The following ABCA1 variants were observed in gnomAD, a reference collection of about 807,000 sequenced individuals.
The protein encoded by ABCA1 is ATP binding cassette subfamily A member 1.
Under a neutral mutation model 262.5 loss-of-function variants are expected in ABCA1, and 133 were observed. That is an observed-to-expected ratio of 0.51 (90% CI 0.44 to 0.59). The LOEUF is 0.59. Ranked by LOEUF, ABCA1 falls within the 20% of genes least tolerant of loss-of-function variation. ABCA1 has a pLI of 0.00. For missense variants in ABCA1, 2,452 were observed against 2,777.5 expected, an observed-to-expected ratio of 0.88 and a Z score of 2.63; for synonymous variants, 1,022 against 1,043.5, an observed-to-expected ratio of 0.98 and a Z score of 0.40.
intron 29 of ABCA1, among the ~76,000 whole-genome samples, chr9:104,810,124 G>A (rs968451803): frequency 1.2e-4 from 18 of 144,806 alleles, no homozygotes; most frequent in African/African-American, 4.6e-4. Context: ...TAGAGAAAAA[G>A]AGGCCAATTC....
Position 104,784,354 on chromosome 9 carries a change from A to G in ABCA1, c.6747T>C (p.Ser2249=), listed in dbSNP as rs375203349. The G allele has an allele frequency of 5.9e-5, 96 of 1,613,980 alleles. No homozygotes were observed. The highest frequency in any genetic ancestry group is 7.9e-5 in the Non-Finnish European group (93 of 1,180,002). The change falls in exon 50 of 50, where the codon TCT becomes TCC. Residue 2249 remains serine, a synonymous_variant. Transcript: ENST00000374736. Reference sequence around the variant, plus strand: ...CTTTCACTTTCTCATCCTGTAGAAAAGATGTGAGAACTGCAACGTCCACTA... The same window carrying G: ...CTTTCACTTTCTCATCCTGTAGAAAGGATGTGAGAACTGCAACGTCCACTA... ...QTVVDVAVLT[S]FLQDEKVKES...
chr9:104,795,691 T>C (rs1341509354), intron 39 of ABCA1, among the ~76,000 whole-genome samples: 1 of 152,182 alleles, frequency 6.6e-6, no homozygotes, highest in African/African-American at 2.4e-5. Context: ...GCATTGATCT[T>C]AGAGATGACA....
chr9:104,818,896 A>G lies in ABCA1; in HGVS notation c.3242-13T>C. The G allele has an allele frequency of 6.2e-7, 1 of 1,606,990 alleles. No homozygotes were observed. The highest frequency in any genetic ancestry group is 8.5e-7 in the Non-Finnish European group (1 of 1,176,166). On this transcript the variant is annotated splice_polypyrimidine_tract_variant and intron_variant, in intron 22 of 49. Coordinates refer to ENST00000374736, the MANE Select transcript of ABCA1 (RefSeq NM_005502.4). The stretch of plus-strand genomic sequence containing the variant: ...ATAATGGTGCGGCCTGCCAGGCACA[A>G]ACACAAGGATGTGGGACAGGTGAGG...
chr9:104,831,404 A>G (rs990619674), intron 13 of ABCA1, among the ~76,000 whole-genome samples: 6 of 152,070 alleles, frequency 3.9e-5, no homozygotes, highest in Non-Finnish European at 7.4e-5. Context: ...CTTGAGTAGA[A>G]ATGCTAAATC....
chr9:104,882,056 A>AAAAAAAAAAAAAAAAAAAAAAC (rs910844455), intron 5 of ABCA1, among the ~76,000 whole-genome samples: 5 of 144,538 alleles, frequency 3.5e-5, no homozygotes, highest in Non-Finnish European at 7.6e-5. Context: ...AAAAAAAAAA[A>AAAAAAAAAAAAAAAAAAAAAAC]ACTCAAATCT....
At chr9:104,802,459 G>A (rs989853201) in intron 33 of ABCA1, among the ~76,000 whole-genome samples, 5 of 152,140 alleles carry the variant, frequency 3.3e-5, no homozygotes, top group Non-Finnish European at 4.4e-5. Context: ...CCAGTGGCTC[G>A]TGTGTGAATG....
In ABCA1 at chr9:104,829,994, C is replaced by T. The variant is rs562072836; in HGVS notation, c.1893-856G>A. On this transcript the variant is annotated intron_variant, in intron 14 of 49. Transcript: ENST00000374736. ...CACACACACACACATCCCACCACCA[C>T]CACCAACCACAGAGAATAAGAGAAT... 2.0e-5 allele frequency among the ~76,000 whole-genome samples: 3 copies of T among 151,464 alleles called. No individual in the cohort carries two copies. In the East Asian group the frequency reaches 5.8e-4, roughly 29 times the overall value.
chr9:104,794,632 T>A (rs1210585663), intron 39 of ABCA1, 122 bp from the exon 40 acceptor site: 1 of 1,183,492 alleles, frequency 8.4e-7, no homozygotes, highest in Non-Finnish European at 1.2e-6. Context: ...AAAAATTTGA[T>A]TCTCTAGGGA....
rs145582736 is a variant in ABCA1, at chr9:104,825,781, T to C, written c.2444A>G (p.Glu815Gly). The C allele has an allele frequency of 1.8e-4, 291 of 1,614,088 alleles. No homozygotes were observed. Among genetic ancestry groups the C allele is most frequent in the Non-Finnish European group, 2.2e-4 (255 of 1,180,046 alleles). The change falls in exon 17 of 50, where the codon GAG (glutamate) becomes GGG (glycine). Residue 815 changes from glutamate to glycine, a missense_variant. Coordinates refer to ENST00000374736, the MANE Select transcript of ABCA1 (RefSeq NM_005502.4). ...QWDNLFESPV[E>G]EDGFNLTTSV... Reference sequence around the variant, plus strand: ...AGTGGTGAGATTGAAGCCATCTTCCTCCACAGGACTCTCAAACAGGTTGTC... The same window carrying C: ...AGTGGTGAGATTGAAGCCATCTTCCCCCACAGGACTCTCAAACAGGTTGTC...
At chr9:104,886,101 CAA>C (rs2118300418) in intron 3 of ABCA1, among the ~76,000 whole-genome samples, 1 of 152,310 alleles carries the variant, frequency 6.6e-6, no homozygotes, top group East Asian at 1.9e-4. Flanking sequence ...TGGTGTAGGA[CAA>C]AGACTCAACA....
intron 5 of ABCA1, among the ~76,000 whole-genome samples, chr9:104,869,186 A>G (rs963070374): frequency 1.3e-5 from 2 of 152,090 alleles, no homozygotes; most frequent in South Asian, 2.1e-4. Context: ...TTTGCTCAAC[A>G]TGAAAAGGAA....
In ABCA1 at chr9:104,805,521, A is replaced by G. The variant is rs191036283; in HGVS notation, c.4464+720T>C. Among the ~76,000 whole-genome samples, 1,303 of 150,370 alleles carry G rather than the reference A, an allele frequency of 8.7e-3. 11 individuals are homozygous for G. The highest frequency in any genetic ancestry group is 0.024 in the Admixed American group (359 of 15,098). ...CACTCCTCTTCCTGAAATTCTCAAG[A>G]AAAAAAAAATGGCTCAGGACTCCTT... On this transcript the variant is annotated intron_variant, in intron 31 of 49. Coordinates refer to ENST00000374736, the MANE Select transcript of ABCA1 (RefSeq NM_005502.4).
chr9:104,885,745 C>T (rs570676462), intron 3 of ABCA1, among the ~76,000 whole-genome samples: 3 of 152,204 alleles, frequency 2.0e-5, no homozygotes, highest in East Asian at 1.9e-4. Context: ...AGGCCCTGGA[C>T]GAGGGGCTCT....
Position 104,793,862 on chromosome 9 carries a change from T to C in ABCA1, c.5506+525A>G, listed in dbSNP as rs539345489. ...AAATAACATGGCCCATTTGACTATA[T>C]TATCTAATGGATGAATAATAATCAT... On this transcript the variant is annotated intron_variant, in intron 40 of 49. Transcript: ENST00000374736. 2.0e-4 allele frequency among the ~76,000 whole-genome samples: 30 copies of C among 152,314 alleles called. No homozygotes were observed. The South Asian group carries it at 5.6e-3, about 28-fold the overall frequency.
intron 1 of ABCA1, among the ~76,000 whole-genome samples, chr9:104,922,216 C>T (rs1184481576): frequency 6.6e-6 from 1 of 152,176 alleles, no homozygotes; most frequent in Non-Finnish European, 1.5e-5. Flanking sequence ...CACCGGAAAT[C>T]AATTTTATGT....
At chr9:104,887,927 G>T (rs1055040010) in intron 3 of ABCA1, among the ~76,000 whole-genome samples, 2 of 151,836 alleles carry the variant, frequency 1.3e-5, no homozygotes, top group East Asian at 3.9e-4. Flanking sequence ...AGGTTCCACC[G>T]TGTTGGCCAG....
intron 25 of ABCA1, 101 bp downstream of exon 25, chr9:104,816,042 T>C (rs945056912): frequency 2.3e-6 from 3 of 1,333,130 alleles, no homozygotes; most frequent in Non-Finnish European, 3.2e-6. Context: ...AAAAACTCAA[T>C]GACTAACTCC....
At chr9:104,818,994 T>C in intron 22 of ABCA1, 111 bp from the exon 23 acceptor site, 1 of 1,050,664 alleles carries the variant, frequency 9.5e-7, no homozygotes, top group Non-Finnish European at 1.4e-6. Context: ...GGAAGAGACC[T>C]GGAAGCCACC....
intron 9 of ABCA1, among the ~76,000 whole-genome samples, chr9:104,839,370 T>C (rs1834156751): frequency 6.6e-6 from 1 of 152,200 alleles, no homozygotes; most frequent in East Asian, 1.9e-4. Flanking sequence ...GTGGATTAAC[T>C]CTGATGTGGC....
Sources: gnomAD v4.1 joint callset for allele counts (sites outside exome capture counted in the v4.1 genomes callset) on GRCh38, gnomAD v4.1.1 for gene constraint, MANE v1.5 for transcripts, NCBI Gene and HGNC (gene_info 2026-07-23, HGNC 2026-07-21) for gene names.